The following ADCYAP1R1 variants were observed in gnomAD, a reference collection of about 807,000 sequenced individuals.
ADCYAP1R1 encodes ADCYAP receptor type I, also known as pituitary adenylate cyclase-activating polypeptide type I receptor.
Under a neutral mutation model 67.6 loss-of-function variants are expected in ADCYAP1R1, and 44 were observed. The ratio of observed to expected loss-of-function variants is 0.65; its 90% CI spans 0.51 to 0.84. The LOEUF (loss-of-function observed/expected upper bound fraction) is 0.84. ADCYAP1R1 is among the 40% of genes least tolerant of loss of function. The pLI, the probability that ADCYAP1R1 is intolerant of heterozygous loss-of-function variation, is 0.00. For synonymous variants in ADCYAP1R1, 222 were observed against 219.6 expected (o/e 1.01, Z -0.10); for missense variants, 477 against 587.9 (o/e 0.81, Z 1.95).
At chr7:31,092,877 C>G (rs989973258) in intron 13 of ADCYAP1R1, 142 bp downstream of exon 13, 1 of 619,370 alleles carries the variant, frequency 1.6e-6, no homozygotes, top group East Asian at 2.9e-5. Flanking sequence ...GATTAAAGAG[C>G]CTTTAATATA....
Position 31,086,575 on chromosome 7 carries a change from C to T in ADCYAP1R1, c.823+38C>T, listed in dbSNP as rs376221179. 6.9e-5 allele frequency: 112 copies of T among 1,612,220 alleles called. No individual in the cohort carries two copies. The East Asian group carries it at 9.1e-4, about 13-fold the overall frequency. ...CTGTGGCTTGGACAGGTTCAGGTCCCGTGGTCAGGTGTGTCCAGGTGTGTC... is the reference window on the plus strand; with the variant it reads ...CTGTGGCTTGGACAGGTTCAGGTCCTGTGGTCAGGTGTGTCCAGGTGTGTC... On this transcript the variant is annotated intron_variant, in intron 10 of 15. Transcript: ENST00000304166. This position sits in a 1 kb window ranked among gnomAD's most constrained non-coding sequence, Gnocchi z 5.0.
intron 3 of ADCYAP1R1, among the ~76,000 whole-genome samples, chr7:31,076,750 G>C (rs547154882): frequency 6.6e-6 from 1 of 152,288 alleles, no homozygotes; most frequent in Non-Finnish European, 1.5e-5. Context: ...GGGAGTAGGT[G>C]GGGGGAGTGG....
rs897393363 is a variant in ADCYAP1R1 at position 31,110,221 on chromosome 7, C to T, written c.*3537C>T. The T allele has an allele frequency of 2.0e-5, 3 of 149,750 alleles. No homozygotes were observed. The highest frequency in any genetic ancestry group is 3.0e-5 in the Non-Finnish European group (2 of 67,722). The allele number at this position is 149,750 out of a possible 1,614,324, so 9.3% of individuals were successfully genotyped here. A position where few individuals can be genotyped will look rare whatever the true frequency, so the allele number is the denominator to read the frequency against. ...AGCCAGCAAAGTGATAATACTTTAT[C>T]ATTTAGTATTATCATAAAGTATTAA... On this transcript the variant is annotated 3_prime_UTR_variant, in exon 16 of 16. Coordinates refer to ENST00000304166, the MANE Select transcript of ADCYAP1R1 (RefSeq NM_001118.5).
chr7:31,107,384 G>A lies in ADCYAP1R1; in HGVS notation c.*700G>A, dbSNP rs1273239676. The A allele has an allele frequency of 3.3e-5, 5 of 152,312 alleles. No individual in the cohort carries two copies. Among genetic ancestry groups the A allele is most frequent in the Non-Finnish European group, 5.9e-5 (4 of 68,102 alleles). 9.4% of individuals were successfully genotyped at this position (152,312 alleles called of 1,614,324 possible). ...TCTGCAGGTCAGGGAAGGTTCTGGT[G>A]CTTTTCGTTTGATCCAAAAGGAGCT... On this transcript the variant is annotated 3_prime_UTR_variant, in exon 16 of 16. Transcript: ENST00000304166.
intron 3 of ADCYAP1R1, among the ~76,000 whole-genome samples, chr7:31,069,662 C>G (rs962411086): frequency 5.3e-5 from 8 of 152,124 alleles, no homozygotes; most frequent in African/African-American, 1.7e-4. Context: ...AGCCCCTGCT[C>G]CTCACTGGTC....
chr7:31,077,208 A>G (rs1795270137), intron 3 of ADCYAP1R1, among the ~76,000 whole-genome samples: 1 of 152,176 alleles, frequency 6.6e-6, no homozygotes, highest in Non-Finnish European at 1.5e-5. Flanking sequence ...TAAGCCGTGG[A>G]GCACACCTCA....
intron 12 of ADCYAP1R1, among the ~76,000 whole-genome samples, chr7:31,089,859 T>G (rs1445228536): frequency 6.6e-6 from 1 of 152,242 alleles, no homozygotes; most frequent in Non-Finnish European, 1.5e-5. Context: ...TAACATGATC[T>G]GTTTATTCTT....
chr7:31,067,203 C>G (rs951240613), intron 3 of ADCYAP1R1, among the ~76,000 whole-genome samples: 7 of 152,164 alleles, frequency 4.6e-5, no homozygotes, highest in African/African-American at 1.4e-4. Context: ...AGGCTGCACC[C>G]TCTCACGATC....
In ADCYAP1R1 at chr7:31,052,342, G is replaced by T. The variant is rs1208189567; in HGVS notation, c.-408G>T. ...CAGCGCCCAGCCTGGCTTCGCGGCG[G>T]AGGCGGCGCCTCTCCCGCAGGACGG... On this transcript the variant is annotated 5_prime_UTR_variant, in exon 1 of 16. Coordinates refer to ENST00000304166, the MANE Select transcript of ADCYAP1R1 (RefSeq NM_001118.5). 1 of 152,132 alleles carries T rather than the reference G, an allele frequency of 6.6e-6. No individual in the cohort carries two copies. The highest frequency in any genetic ancestry group is 2.4e-5 in the African/African-American group (1 of 41,550). The allele number at this position is 152,132 out of a possible 1,614,324, so 9.4% of individuals were successfully genotyped here. A position where few individuals can be genotyped will look rare whatever the true frequency, so the allele number is the denominator to read the frequency against.
intron 2 of ADCYAP1R1, among the ~76,000 whole-genome samples, 161 bp from the exon 3 acceptor site, chr7:31,064,670 G>T (rs1794656089): frequency 6.6e-6 from 1 of 152,130 alleles, no homozygotes; most frequent in Non-Finnish European, 1.5e-5. Context: ...TGTCTCTCAA[G>T]GTGAATGTCA....
At position 31,057,896 on chromosome 7, in the gene ADCYAP1R1, C is replaced by T. The variant is rs139276785; in HGVS notation, c.-72+5218C>T. The stretch of plus-strand genomic sequence containing the variant: ...TCTCCTTTCTGGTATCCAGGCTTGT[C>T]CTGCCCTCTGATGGGGAGGGATGCT... On this transcript the variant is annotated intron_variant, in intron 1 of 15. Transcript: ENST00000304166. Among the ~76,000 whole-genome samples the T allele has an allele frequency of 6.5e-3, 986 of 152,302 alleles. 10 individuals carry two copies. Among genetic ancestry groups the T allele is most frequent in the African/African-American group, 0.02 (841 of 41,560 alleles).
intron 9 of ADCYAP1R1, 49 bp downstream of exon 9, chr7:31,085,491 A>G: frequency 6.4e-7 from 1 of 1,572,856 alleles, no homozygotes; most frequent in Non-Finnish European, 8.6e-7. Flanking sequence ...AAGGTCCCGC[A>G]CCATCCCCTT....
At chr7:31,078,574 T>G (rs1426903699) in intron 4 of ADCYAP1R1, among the ~76,000 whole-genome samples, 1 of 152,146 alleles carries the variant, frequency 6.6e-6, no homozygotes, top group African/African-American at 2.4e-5. Context: ...GAGACGCACA[T>G]GTAGACACCC....
intron 13 of ADCYAP1R1, among the ~76,000 whole-genome samples, chr7:31,097,089 T>C (rs1489907586): frequency 4.6e-5 from 7 of 152,236 alleles, no homozygotes; most frequent in Admixed American, 3.9e-4. Flanking sequence ...TGGAAATAGC[T>C]GTGACTTTCC....
intron 13 of ADCYAP1R1, among the ~76,000 whole-genome samples, chr7:31,097,528 GTCC>G (rs1197687400): frequency 2.0e-5 from 3 of 152,118 alleles, no homozygotes; most frequent in South Asian, 4.2e-4. Flanking sequence ...TCCAGGGCCA[GTCC>G]TCCCCCAAGC....
chr7:31,082,060 A>G lies in ADCYAP1R1; in HGVS notation c.328+306A>G, dbSNP rs554290468. On this transcript the variant is annotated intron_variant, in intron 6 of 15. Coordinates refer to ENST00000304166, the MANE Select transcript of ADCYAP1R1 (RefSeq NM_001118.5). The stretch of plus-strand genomic sequence containing the variant: ...TCTGAACTCCAGCATCTAGAACAGT[A>G]GCTCTCAAACTTTAACCGTGCATCA... Among the ~76,000 whole-genome samples, 728 of 152,342 alleles carry G rather than the reference A, an allele frequency of 4.8e-3. 5 individuals carry two copies. Among genetic ancestry groups the G allele is most frequent in the African/African-American group, 0.017 (697 of 41,578 alleles).
At chr7:31,095,858 G>A in intron 13 of ADCYAP1R1, 2 of 640,678 alleles carry the variant, frequency 3.1e-6, no homozygotes, top group Non-Finnish European at 2.8e-6. Context: ...GGCCTCTGCG[G>A]GGGGACGGTG....
chr7:31,108,630 T>G lies in ADCYAP1R1; in HGVS notation c.*1946T>G, dbSNP rs1393521217. 1 of 152,258 alleles carries G rather than the reference T, an allele frequency of 6.6e-6. No homozygotes were observed. Among genetic ancestry groups the G allele is most frequent in the Non-Finnish European group, 1.5e-5 (1 of 68,084 alleles). 9.4% of individuals were successfully genotyped at this position (152,258 alleles called of 1,614,324 possible). The stretch of plus-strand genomic sequence containing the variant: ...GGCTCCAGTTTTCCCATTTGTGAGA[T>G]GAGGCAACTTCCAATGCTTCTCTAG... On this transcript the variant is annotated 3_prime_UTR_variant, in exon 16 of 16. Coordinates refer to ENST00000304166, the MANE Select transcript of ADCYAP1R1 (RefSeq NM_001118.5).
In ADCYAP1R1 at chr7:31,084,880, G is replaced by C. The variant is rs1271510217; in HGVS notation, c.536+46G>C. The C allele has an allele frequency of 2.6e-6, 4 of 1,541,848 alleles. No individual in the cohort carries two copies. In the African/African-American group the frequency reaches 4.1e-5, roughly 16 times the overall value. On this transcript the variant is annotated intron_variant, in intron 8 of 15. Transcript: ENST00000304166. ...CAAGCAAGCACCAGAGCTGGCCAGG[G>C]CCTCAGAGGCCTTGGTGCATCTCTC...
Sources: allele counts gnomAD v4.1 joint callset (sites outside exome capture counted in the v4.1 genomes callset), GRCh38; gene constraint gnomAD v4.1.1; non-coding constraint Gnocchi (gnomAD v3.1); transcripts MANE v1.5; gene names NCBI Gene and HGNC (gene_info 2026-07-23, HGNC 2026-07-21).